Variants in CCDC157 observed in about 807,000 individuals in gnomAD.
CCDC157 encodes coiled-coil domain containing 157.
CCDC157 carries 60 observed loss-of-function variants against 70.9 expected under a neutral mutation model. The ratio of observed to expected loss-of-function variants is 0.85; its 90% CI spans 0.69 to 1.05. CCDC157 has a LOEUF of 1.05. Among genes scored for constraint, CCDC157 ranks in the 50% least tolerant of loss-of-function variants. CCDC157 has a pLI of 0.00. For missense variants in CCDC157, 943 were observed against 984.2 expected (o/e 0.96, Z 0.56); for synonymous variants, 373 against 422.4 (o/e 0.88, Z 1.43).
rs113505825 is a variant in CCDC157, at chr22:30,373,868, G to A, written c.1504-55G>A. ...TTGGGTAGGGACGGTGCCCCAGGGC[G>A]CTGAGTACCATGTAGCTCACTCAGG... On this transcript the variant is annotated intron_variant, in intron 8 of 11. Transcript: ENST00000338306. 2.2e-3 allele frequency: 3,387 copies of A among 1,560,562 alleles called. 5 individuals are homozygous for A. The highest frequency in any genetic ancestry group is 2.7e-3 in the Non-Finnish European group (3,074 of 1,150,160).
rs2145974282 is a variant in CCDC157, at chr22:30,377,095, T to G, written c.*350T>G. The G allele has an allele frequency of 3.1e-6, 1 of 327,240 alleles. No homozygotes were observed. The highest frequency in any genetic ancestry group is 5.8e-6 in the Non-Finnish European group (1 of 171,132). 20.3% of individuals were successfully genotyped at this position (327,240 alleles called of 1,614,324 possible). Reference sequence around the variant, plus strand: ...AGAGCAAGGGTCGAGGGGTGAACCTTGGCTCAGTGGCCCGCACTGACTCAG... The same window carrying G: ...AGAGCAAGGGTCGAGGGGTGAACCTGGGCTCAGTGGCCCGCACTGACTCAG... On this transcript the variant is annotated 3_prime_UTR_variant, in exon 12 of 12. Coordinates refer to ENST00000338306, the MANE Select transcript of CCDC157 (RefSeq NM_001017437.5).
intron 4 of CCDC157, chr22:30,369,953 T>G (rs1346491966): frequency 2.1e-6 from 1 of 466,700 alleles, no homozygotes; most frequent in Non-Finnish European, 3.8e-6. Context: ...GAAGAACCAC[T>G]GTTCCCATGA....
Position 30,376,802 on chromosome 22 carries a change from T to A in CCDC157, c.*57T>A, listed in dbSNP as rs1933402729. The A allele has an allele frequency of 1.3e-6, 2 of 1,519,614 alleles. No homozygotes were observed. The highest frequency in any genetic ancestry group is 1.8e-6 in the Non-Finnish European group (2 of 1,115,322). The allele number at this position is 1,519,614 out of a possible 1,614,324, so 94.1% of individuals were successfully genotyped here. On this transcript the variant is annotated 3_prime_UTR_variant, in exon 12 of 12. Transcript: ENST00000338306. ...GTGGCTGGCAGCCCACCCACTGTAA[T>A]AAAGCCCCAGCCATTGGCCCACAGC...
Position 30,378,260 on chromosome 22 carries a change from C to T in CCDC157, c.*1515C>T. 4 of 440,058 alleles carry T rather than the reference C, an allele frequency of 9.1e-6. No individual in the cohort carries two copies. 27.3% of individuals were successfully genotyped at this position (440,058 alleles called of 1,614,324 possible). Reference sequence around the variant, plus strand: ...TTTGAATAGGCTCATGTGGTTAGGGCAAGGCTCACACTCAAATACTTTCCC... The same window carrying T: ...TTTGAATAGGCTCATGTGGTTAGGGTAAGGCTCACACTCAAATACTTTCCC... On this transcript the variant is annotated 3_prime_UTR_variant, in exon 12 of 12. Coordinates refer to ENST00000338306, the MANE Select transcript of CCDC157 (RefSeq NM_001017437.5).
intron 1 of CCDC157, among the ~76,000 whole-genome samples, chr22:30,361,359 A>G (rs944829518): frequency 6.6e-6 from 1 of 151,980 alleles, no homozygotes; most frequent in African/African-American, 2.4e-5. Context: ...CCTATGTGAC[A>G]TTGCTTCCCA....
intron 9 of CCDC157, chr22:30,375,193 A>AG: frequency 2.9e-6 from 1 of 341,716 alleles, no homozygotes; most frequent in Non-Finnish European, 5.4e-6. Context: ...TCTTGACTTA[A>AG]TGATCCCCTG....
intron 9 of CCDC157, 36 bp from the exon 10 acceptor site, chr22:30,375,443 T>C (rs370240009): frequency 6.2e-7 from 1 of 1,608,816 alleles, no homozygotes; most frequent in Non-Finnish European, 8.5e-7. Flanking sequence ...CAAGCTGGTG[T>C]GCCTCCCTTC....
rs771855478 is a variant in CCDC157, at chr22:30,370,610, C to G, written c.705C>G (p.Gly235=). ...ASVQGSLQKV[G]KVVISLCQSQ... ...TCCAGGGAAGCCTGCAGAAGGTGGG[C>G]AAGGTGGTCATCAGCCTGTGTCAGA... Residue 235 remains glycine (G), a synonymous_variant, in exon 5 of 12, where the codon GGC becomes GGG. Transcript: ENST00000338306. The G allele has an allele frequency of 1.2e-6, 2 of 1,614,078 alleles. No individual in the cohort carries two copies. The highest frequency in any genetic ancestry group is 1.7e-6 in the Non-Finnish European group (2 of 1,180,030).
intron 3 of CCDC157, among the ~76,000 whole-genome samples, chr22:30,367,491 G>A (rs1344371019): frequency 3.9e-5 from 6 of 151,934 alleles, no homozygotes; most frequent in Non-Finnish European, 8.8e-5. Context: ...CATCTTCCTC[G>A]GCCTCCCAAA....
At position 30,370,753 on chromosome 22, in the gene CCDC157, T is replaced by C. The variant is rs1932900364; in HGVS notation, c.848T>C (p.Leu283Pro). 6.2e-7 allele frequency: 1 copy of C among 1,613,568 alleles called. No individual in the cohort carries two copies. The highest frequency in any genetic ancestry group is 8.5e-7 in the Non-Finnish European group (1 of 1,179,934). ...TGGGCAGCAGAGCAGAGGAAAGACC[T>C]GACGCGCCTCAGTAAGCATGTGGAG... is the stretch of plus-strand genomic sequence containing the variant. ...GRWAAEQRKDLTRLSKHVEAL... is the reference protein window; with the variant it reads ...GRWAAEQRKDPTRLSKHVEAL... Residue 283 changes from leucine to proline, a missense_variant, in exon 5 of 12, where the codon CTG (leucine) becomes CCG (proline). Transcript: ENST00000338306.
rs1933400157 is a variant in CCDC157, at chr22:30,376,772, G to A, written c.*27G>A. On this transcript the variant is annotated 3_prime_UTR_variant, in exon 12 of 12. Transcript: ENST00000338306. ...CTGTGGCCCAGGGCTGAGGCTGGATGGGAGGTGGCTGGCAGCCCACCCACT... is the reference window on the plus strand; with the variant it reads ...CTGTGGCCCAGGGCTGAGGCTGGATAGGAGGTGGCTGGCAGCCCACCCACT... 6.3e-7 allele frequency: 1 copy of A among 1,591,882 alleles called. No homozygotes were observed. Among genetic ancestry groups the A allele is most frequent in the Non-Finnish European group, 8.6e-7 (1 of 1,165,918 alleles).
Position 30,369,487 on chromosome 22 carries a change from C to A in CCDC157, c.304C>A (p.Gln102Lys). The change falls in exon 4 of 12, where the codon CAG (glutamine) becomes AAG (lysine). Residue 102 changes from glutamine (Q) to lysine (K), a missense_variant. By Grantham distance (53) the Gln-to-Lys change is moderately conservative. Transcript: ENST00000338306. ...MSYLENLGSEQMMPPAQAAGP... is the reference protein window; with the variant it reads ...MSYLENLGSEKMMPPAQAAGP... ...CTACTTGGAGAACCTTGGCTCAGAGCAGATGATGCCCCCTGCACAGGCTGC... is the reference window on the plus strand; with the variant it reads ...CTACTTGGAGAACCTTGGCTCAGAGAAGATGATGCCCCCTGCACAGGCTGC... 1 of 1,593,774 alleles carries A rather than the reference C, an allele frequency of 6.3e-7. No homozygotes were observed. Among genetic ancestry groups the A allele is most frequent in the African/African-American group, 1.4e-5 (1 of 73,876 alleles).
intron 2 of CCDC157, among the ~76,000 whole-genome samples, chr22:30,362,564 G>T (rs1932423264): frequency 1.3e-5 from 2 of 152,178 alleles, no homozygotes; most frequent in South Asian, 2.1e-4. Flanking sequence ...AGAGGAAAAG[G>T]CTCCAAGCAG....
intron 10 of CCDC157, 147 bp from the exon 11 acceptor site, chr22:30,376,112 G>T: frequency 1.5e-6 from 1 of 675,206 alleles, no homozygotes; most frequent in Non-Finnish European, 2.5e-6. Flanking sequence ...GCCCTGGAAG[G>T]CTTCCTAGGC....
chr22:30,372,036 C>T (rs2145930436), intron 6 of CCDC157, 39 bp from the exon 7 acceptor site: 3 of 1,383,862 alleles, frequency 2.2e-6, no homozygotes, highest in African/African-American at 2.9e-5. Context: ...TACAGCGCTC[C>T]CCTGCCCTAC....
chr22:30,364,857 C>T (rs186003576), intron 2 of CCDC157, among the ~76,000 whole-genome samples: 1 of 151,848 alleles, frequency 6.6e-6, no homozygotes, highest in Non-Finnish European at 1.5e-5. Flanking sequence ...AATGGCTTCT[C>T]TGTCACCGCT....
upstream of CCDC157, chr22:30,356,718 G>T: frequency 6.7e-7 from 1 of 1,486,916 alleles, no homozygotes; most frequent in East Asian, 2.8e-5. Context: ...CTGAGGGGCG[G>T]GGGAGAGGTA....
At chr22:30,360,248 A>G (rs968907498) in intron 1 of CCDC157, among the ~76,000 whole-genome samples, 1 of 152,252 alleles carries the variant, frequency 6.6e-6, no homozygotes, top group African/African-American at 2.4e-5. Context: ...TCACGCCTGT[A>G]ATCCCAGCAC....
Position 30,370,555 on chromosome 22 carries a change from C to T in CCDC157, c.650C>T (p.Ala217Val). The change falls in exon 5 of 12, where the codon GCC becomes GTC. Residue 217 changes from alanine (A) to valine (V), a missense_variant. Coordinates refer to ENST00000338306, the MANE Select transcript of CCDC157 (RefSeq NM_001017437.5). ...GTCCACTCCCAGACCATTGAGACGG[C>T]CCTGGTGCCCTGTGACGCATGCGCC... The part of the protein sequence containing the change: ...RSVHSQTIET[A>V]LVPCDACASV... 1 of 1,614,062 alleles carries T rather than the reference C, an allele frequency of 6.2e-7. No individual in the cohort carries two copies. The highest frequency in any genetic ancestry group is 8.5e-7 in the Non-Finnish European group (1 of 1,180,034).
Sources: gnomAD v4.1 joint callset for allele counts (sites outside exome capture counted in the v4.1 genomes callset) on GRCh38, gnomAD v4.1.1 for gene constraint, MANE v1.5 for transcripts, NCBI Gene and HGNC (gene_info 2026-07-23, HGNC 2026-07-21) for gene names.